The following BRAF variants were observed in gnomAD, a reference collection of about 807,000 sequenced individuals.
The protein encoded by BRAF is B-Raf proto-oncogene, serine/threonine kinase.
BRAF carries 16 observed loss-of-function variants against 104.6 expected under a neutral mutation model. That is an observed-to-expected ratio of 0.15 (90% CI 0.10 to 0.23). The LOEUF (loss-of-function observed/expected upper bound fraction) is 0.23. BRAF is among the 10% of genes least tolerant of loss of function. The pLI is 1.00. For synonymous variants in BRAF, 310 were observed against 341.6 expected (o/e 0.91, Z 1.02); for missense variants, 541 against 937.3 (o/e 0.58, Z 5.52).
At chr7:140,825,151 G>C (rs149297033) in intron 3 of BRAF, among the ~76,000 whole-genome samples, 2,588 of 151,678 alleles carry the variant, frequency 0.017, 37 homozygotes, top group Non-Finnish European at 0.027. Flanking sequence ...TGCATTTTTA[G>C]TAAAGATGGG....
At chr7:140,904,387 A>AT (rs774228593) in intron 1 of BRAF, among the ~76,000 whole-genome samples, 3,025 of 146,704 alleles carry the variant, frequency 0.021, 43 homozygotes, top group Non-Finnish European at 0.031. Flanking sequence ...CAGCTCAGTT[A>AT]TTTTTTTTTT....
At chr7:140,862,416 A>C (rs1393377878) in intron 1 of BRAF, among the ~76,000 whole-genome samples, 1 of 152,202 alleles carries the variant, frequency 6.6e-6, no homozygotes, top group Admixed American at 6.5e-5. Context: ...TTCAAAATAC[A>C]TTTAGTAAGA....
chr7:140,725,829 AC>A lies in BRAF; in HGVS notation c.*664del. 9.4e-7 allele frequency: 1 copy of A among 1,063,104 alleles called. No homozygotes were observed. The highest frequency in any genetic ancestry group is 1.1e-6 in the Non-Finnish European group (1 of 878,060). The allele number at this position is 1,063,104 out of a possible 1,614,324, so 65.9% of individuals were successfully genotyped here. On this transcript the variant is annotated 3_prime_UTR_variant, in exon 20 of 20. Coordinates refer to ENST00000644969, the MANE Select transcript of BRAF (RefSeq NM_001374258.1). ...TGAGCAAGGAAACAAAAGGCCAGAG[AC>A]CCCGGAGGTCAGGAAGAAGATGCAG...
intron 1 of BRAF, among the ~76,000 whole-genome samples, chr7:140,887,909 C>T: frequency 6.7e-6 from 1 of 150,010 alleles, no homozygotes; most frequent in East Asian, 1.9e-4. Context: ...GACAGAGTCT[C>T]GCTTTGTCAT....
chr7:140,894,467 CAT>C (rs1491234089), intron 1 of BRAF, among the ~76,000 whole-genome samples: 8 of 151,790 alleles, frequency 5.3e-5, no homozygotes, highest in African/African-American at 1.9e-4. Flanking sequence ...GTTTATATCT[CAT>C]ATGAAGAGAT....
At chr7:140,789,847 C>T (rs1196783600) in intron 8 of BRAF, among the ~76,000 whole-genome samples, 2 of 152,190 alleles carry the variant, frequency 1.3e-5, no homozygotes, top group African/African-American at 2.4e-5. Flanking sequence ...TCTCCTGCCT[C>T]GGCCTCCCGA....
chr7:140,775,955 C>T (rs1047821693), intron 14 of BRAF, among the ~76,000 whole-genome samples: 2 of 151,968 alleles, frequency 1.3e-5, no homozygotes, highest in Non-Finnish European at 2.9e-5. Flanking sequence ...ACATATATAC[C>T]CTTTTACTCT....
intron 1 of BRAF, among the ~76,000 whole-genome samples, chr7:140,868,991 G>C (rs991911515): frequency 1.3e-5 from 2 of 152,228 alleles, no homozygotes; most frequent in African/African-American, 4.8e-5. Context: ...ATGATAAAAG[G>C]GAGTCATCCT....
intron 18 of BRAF, among the ~76,000 whole-genome samples, chr7:140,737,522 T>C (rs1458454656): frequency 6.6e-6 from 1 of 152,270 alleles, no homozygotes; most frequent in Admixed American, 6.5e-5. Context: ...TTGTTACTTA[T>C]TGATTTGGAG....
At chr7:140,882,721 G>A (rs950463882) in intron 1 of BRAF, among the ~76,000 whole-genome samples, 21 of 151,614 alleles carry the variant, frequency 1.4e-4, no homozygotes, top group Non-Finnish European at 2.7e-4. Flanking sequence ...GGCTGGGCGC[G>A]GTGACTCACG....
chr7:140,901,743 C>G (rs1324039176), intron 1 of BRAF, among the ~76,000 whole-genome samples: 8 of 152,170 alleles, frequency 5.3e-5, no homozygotes, highest in Non-Finnish European at 8.8e-5. Flanking sequence ...GTTTAAGTAT[C>G]TCCTTTCCTA....
intron 1 of BRAF, among the ~76,000 whole-genome samples, chr7:140,908,997 T>C (rs1273501275): frequency 7.4e-6 from 1 of 135,206 alleles, no homozygotes; most frequent in African/African-American, 2.5e-5. Flanking sequence ...TTCTTTTTTT[T>C]TTTTTTTTTT....
intron 2 of BRAF, among the ~76,000 whole-genome samples, chr7:140,848,923 T>C (rs977254409): frequency 6.6e-6 from 1 of 152,240 alleles, no homozygotes; most frequent in African/African-American, 2.4e-5. Flanking sequence ...TAAACTTAAC[T>C]TTCTCATAAA....
At chr7:140,728,565 CTAAAT>C (rs1384141642) in intron 19 of BRAF, among the ~76,000 whole-genome samples, 2 of 150,530 alleles carry the variant, frequency 1.3e-5, no homozygotes, top group Admixed American at 6.6e-5. Context: ...AAAAAAAAGG[CTAAAT>C]TAAATTACTA....
chr7:140,889,437 C>A (rs576530959), intron 1 of BRAF, among the ~76,000 whole-genome samples: 1 of 152,172 alleles, frequency 6.6e-6, no homozygotes, highest in South Asian at 2.1e-4. Flanking sequence ...TAAAATATTA[C>A]CATTTTCTTC....
chr7:140,721,969 T>C lies in BRAF; in HGVS notation c.*4525A>G. ...AGGTTGGCAGCAGTACTCTGGAAAC[T>C]GATAAAACCAAATTCGGTCCTATAT... On this transcript the variant is annotated 3_prime_UTR_variant, in exon 20 of 20. Coordinates refer to ENST00000644969, the MANE Select transcript of BRAF (RefSeq NM_001374258.1). The C allele has an allele frequency of 8.2e-7, 1 of 1,217,794 alleles. No individual in the cohort carries two copies. 75.4% of individuals were successfully genotyped at this position (1,217,794 alleles called of 1,614,324 possible). A position where few individuals can be genotyped will look rare whatever the true frequency, so the allele number is the denominator to read the frequency against.
chr7:140,727,073 C>T (rs1255420214), intron 19 of BRAF, among the ~76,000 whole-genome samples: 2 of 152,162 alleles, frequency 1.3e-5, no homozygotes, highest in East Asian at 1.9e-4. Context: ...AATATAGGCA[C>T]ATCACTGAAC....
chr7:140,794,556 GT>G, intron 7 of BRAF, 89 bp from the exon 8 acceptor site: 1 of 1,428,286 alleles, frequency 7.0e-7, no homozygotes, highest in Non-Finnish European at 9.7e-7. Context: ...GGATTTTCTT[GT>G]TTTTATATTC....
chr7:140,718,805 T>C (rs1284196799), downstream of BRAF, among the ~76,000 whole-genome samples: 1 of 151,998 alleles, frequency 6.6e-6, no homozygotes, highest in African/African-American at 2.4e-5. Context: ...TGGGGAAGGG[T>C]CATGAAATCA....
Sources: gnomAD v4.1 joint callset for allele counts (sites outside exome capture counted in the v4.1 genomes callset) on GRCh38, gnomAD v4.1.1 for gene constraint, MANE v1.5 for transcripts, NCBI Gene and HGNC (gene_info 2026-07-23, HGNC 2026-07-21) for gene names.